The following TENM4 variants were observed in gnomAD, a reference collection of about 807,000 sequenced individuals.
TENM4 encodes the protein teneurin-4.
A neutral mutation model predicts 243.3 loss-of-function variants in TENM4; 82 were observed. The ratio of observed to expected loss-of-function variants is 0.34; its 90% CI spans 0.28 to 0.40. TENM4 has a LOEUF of 0.40. Among genes scored for constraint, TENM4 ranks in the 10% least tolerant of loss-of-function variants. TENM4 has a pLI of 1.00. For synonymous variants in TENM4, 1,412 were observed against 1,456.3 expected, an observed-to-expected ratio of 0.97 and a Z score of 0.69; for missense variants, 3,138 against 3,673.3, an observed-to-expected ratio of 0.85 and a Z score of 3.77.
chr11:78,936,334 C>T (rs1400779750), intron 6 of TENM4, among the ~76,000 whole-genome samples: 1 of 152,138 alleles, frequency 6.6e-6, no homozygotes, highest in Non-Finnish European at 1.5e-5. Context: ...GGGTTGTTTA[C>T]AGTTTATTAT....
rs535492857 is a variant in TENM4, at chr11:79,343,488, A to G, written c.-320-45945T>C. On this transcript the variant is annotated intron_variant, in intron 1 of 33. Coordinates refer to ENST00000278550, the MANE Select transcript of TENM4 (RefSeq NM_001098816.3). ...GTATGACAAAAAAAATCCCTCCTTC[A>G]CAGTGTTCTTGTGAGCATTAAAAAA... Among the ~76,000 whole-genome samples, 10 of 152,236 alleles carry G rather than the reference A, an allele frequency of 6.6e-5. 1 individual carries two copies. Among genetic ancestry groups the G allele is most frequent in the South Asian group, 4.1e-4 (2 of 4,824 alleles).
chr11:78,923,287 A>G (rs1856485140), intron 6 of TENM4, among the ~76,000 whole-genome samples: 1 of 152,140 alleles, frequency 6.6e-6, no homozygotes, highest in South Asian at 2.1e-4. Context: ...GGGGCCCCAT[A>G]AAAGACGTAG....
At chr11:78,810,573 G>T (rs1857476851) in intron 14 of TENM4, among the ~76,000 whole-genome samples, 1 of 152,194 alleles carries the variant, frequency 6.6e-6, no homozygotes, top group Non-Finnish European at 1.5e-5. Flanking sequence ...CAGTTCCTTT[G>T]TTAAAGGGGT....
At chr11:78,661,734 A>G (rs1390199875) in intron 32 of TENM4, 143 bp from the exon 33 acceptor site, 3 of 1,087,442 alleles carry the variant, frequency 2.8e-6, no homozygotes, top group African/African-American at 1.6e-5. Context: ...TGCTACATAC[A>G]CTTTTCATTC....
At chr11:79,182,898 C>T (rs1473528889) in intron 3 of TENM4, among the ~76,000 whole-genome samples, 9 of 152,094 alleles carry the variant, frequency 5.9e-5, no homozygotes, top group Non-Finnish European at 8.8e-5. Context: ...AAATCCAAAA[C>T]GCTGACATCA....
At chr11:79,140,751 A>C (rs1862271181) in intron 4 of TENM4, among the ~76,000 whole-genome samples, 1 of 152,110 alleles carries the variant, frequency 6.6e-6, no homozygotes, top group Non-Finnish European at 1.5e-5. Context: ...TATTTTCTTC[A>C]CAGTTTTCTA....
chr11:78,757,069 C>T, intron 18 of TENM4, 48 bp from the exon 19 acceptor site: 2 of 1,532,088 alleles, frequency 1.3e-6, no homozygotes, highest in Non-Finnish European at 1.8e-6. Flanking sequence ...GTTCAATCAG[C>T]CATGTTTATC....
rs541611468 is a variant in TENM4, at chr11:78,929,303, G to A, written c.494-25780C>T. Among the ~76,000 whole-genome samples the A allele has an allele frequency of 1.4e-3, 216 of 152,292 alleles. 1 individual carries two copies. Among genetic ancestry groups the A allele is most frequent in the African/African-American group, 5.1e-3 (211 of 41,560 alleles). On this transcript the variant is annotated intron_variant, in intron 6 of 33. Transcript: ENST00000278550. ...AATCAAACTGCTTCCATGTGCGGCA[G>A]GTAATTACAGAATCGGCTACATTAC...
chr11:78,674,659 G>C (rs552830429), intron 30 of TENM4, among the ~76,000 whole-genome samples: 2 of 143,582 alleles, frequency 1.4e-5, no homozygotes, highest in African/African-American at 6.1e-5. Context: ...AGGAGTCTGC[G>C]AATTCAGACG....
chr11:78,709,790 C>T (rs1859354586), intron 26 of TENM4, among the ~76,000 whole-genome samples: 1 of 152,212 alleles, frequency 6.6e-6, no homozygotes, highest in African/African-American at 2.4e-5. Context: ...TTTCAATATA[C>T]ACCTGCTGGC....
chr11:78,998,472 A>G (rs1016305977), intron 6 of TENM4, among the ~76,000 whole-genome samples: 1 of 152,242 alleles, frequency 6.6e-6, no homozygotes, highest in African/African-American at 2.4e-5. Flanking sequence ...AGGAAATGTA[A>G]AGTTTGACAA....
At position 79,406,107 on chromosome 11, in the gene TENM4, T is replaced by G. The variant is rs916979124; in HGVS notation, c.-321+34402A>C. 7.9e-5 allele frequency among the ~76,000 whole-genome samples: 12 copies of G among 152,256 alleles called. 1 individual carries two copies. The highest frequency in any genetic ancestry group is 3.9e-4 in the Admixed American group (6 of 15,300). The stretch of plus-strand genomic sequence containing the variant: ...GCCTGACTGTGCAGACATACAATCT[T>G]GACCAAAGACAAGGTTCTGTTCTCC... On this transcript the variant is annotated intron_variant, in intron 1 of 33. Coordinates refer to ENST00000278550, the MANE Select transcript of TENM4 (RefSeq NM_001098816.3).
intron 6 of TENM4, among the ~76,000 whole-genome samples, chr11:79,024,592 G>A (rs372108888): frequency 6.6e-6 from 1 of 152,162 alleles, no homozygotes; most frequent in South Asian, 2.1e-4. Context: ...GATCATCTGT[G>A]TACATTTTTT....
chr11:79,189,072 G>C (rs1340587726), intron 3 of TENM4, among the ~76,000 whole-genome samples: 2 of 152,098 alleles, frequency 1.3e-5, no homozygotes, highest in African/African-American at 4.8e-5. Context: ...TAAAAACATG[G>C]GTAGGGGCTT....
At chr11:79,420,674 GT>G (rs938698530) in intron 1 of TENM4, among the ~76,000 whole-genome samples, 94 of 151,008 alleles carry the variant, frequency 6.2e-4, no homozygotes, top group African/African-American at 2.0e-3. Flanking sequence ...ACACAAACCA[GT>G]TTTTTTTTGG....
At chr11:79,018,282 T>C (rs1858830795) in intron 6 of TENM4, among the ~76,000 whole-genome samples, 1 of 152,218 alleles carries the variant, frequency 6.6e-6, no homozygotes, top group Non-Finnish European at 1.5e-5. Context: ...AGCCATGTCC[T>C]GGTTTGAACA....
Position 78,672,289 on chromosome 11 carries a change from A to G in TENM4, c.5537T>C (p.Val1846Ala). Residue 1846 changes from valine (V) to alanine (A), a missense_variant, in exon 31 of 34, where the codon GTA (valine) becomes GCA (alanine). Physicochemically the swap from Val to Ala is moderately conservative, Grantham distance 64. Transcript: ENST00000278550. ...ATCATAGATCTTCTCTGTGCGTGTT[A>G]CGCGATCAAAGTCCAGAGATAGGAG... ...RNLLSLDFDRVTRTEKIYDDH... is the reference protein window; with the variant it reads ...RNLLSLDFDRATRTEKIYDDH... The G allele has an allele frequency of 6.2e-7, 1 of 1,613,246 alleles. No homozygotes were observed. The highest frequency in any genetic ancestry group is 8.5e-7 in the Non-Finnish European group (1 of 1,179,202).
At chr11:78,870,321 A>T (rs1003706899) in intron 9 of TENM4, among the ~76,000 whole-genome samples, 1 of 152,016 alleles carries the variant, frequency 6.6e-6, no homozygotes, top group African/African-American at 2.4e-5. Context: ...TCTTCTTTCT[A>T]TATGTTCCCT....
chr11:78,912,467 G>A (rs1470085280), intron 6 of TENM4, among the ~76,000 whole-genome samples: 2 of 152,194 alleles, frequency 1.3e-5, no homozygotes, highest in Admixed American at 1.3e-4. Flanking sequence ...ATGTTGGCCA[G>A]GCTGGTCTCG....
Sources: gnomAD v4.1 joint callset for allele counts (sites outside exome capture counted in the v4.1 genomes callset) on GRCh38, gnomAD v4.1.1 for gene constraint, MANE v1.5 for transcripts, NCBI Gene and HGNC (gene_info 2026-07-23, HGNC 2026-07-21) for gene names.